EFCAB5: variants seen among roughly 807,000 people sequenced by gnomAD.
EFCAB5 encodes EF-hand calcium binding domain 5, also known as EF-hand calcium-binding domain-containing protein 5.
Under a neutral mutation model 167.9 loss-of-function variants are expected in EFCAB5, and 131 were observed. The ratio of observed to expected loss-of-function variants is 0.78; its 90% CI spans 0.68 to 0.90. EFCAB5 has a LOEUF of 0.90. EFCAB5 is among the 40% of genes least tolerant of loss of function. EFCAB5 has a pLI of 0.00. For missense variants in EFCAB5, 1,663 were observed against 1,745.2 expected, an observed-to-expected ratio of 0.95 and a Z score of 0.84; for synonymous variants, 574 against 602.8, an observed-to-expected ratio of 0.95 and a Z score of 0.70.
intron 1 of EFCAB5, among the ~76,000 whole-genome samples, chr17:29,932,667 A>T (rs2067211899): frequency 6.6e-6 from 1 of 152,026 alleles, no homozygotes; most frequent in Admixed American, 6.6e-5. Context: ...CATGTTGGTC[A>T]GGCTGGTCTC....
intron 14 of EFCAB5, among the ~76,000 whole-genome samples, chr17:30,062,114 T>A: frequency 6.6e-6 from 1 of 152,252 alleles, no homozygotes; most frequent in Non-Finnish European, 1.5e-5. Context: ...AACTCTTTTA[T>A]AATTAAAACA....
At chr17:29,988,058 A>C (rs1191790306) in intron 4 of EFCAB5, among the ~76,000 whole-genome samples, 1 of 152,262 alleles carries the variant, frequency 6.6e-6, no homozygotes, top group Non-Finnish European at 1.5e-5. Flanking sequence ...TAATGGCTTT[A>C]GCTTCTTTCC....
intron 8 of EFCAB5, among the ~76,000 whole-genome samples, chr17:30,038,070 T>G (rs909892050): frequency 2.0e-5 from 3 of 152,194 alleles, no homozygotes; most frequent in Non-Finnish European, 2.9e-5. Flanking sequence ...CTTGCTCCAG[T>G]TAGCCAAGTT....
In EFCAB5 at chr17:30,036,558, T is replaced by C. The variant is rs146821660; in HGVS notation, c.1200+2173T>C. On this transcript the variant is annotated intron_variant, in intron 8 of 22. Coordinates refer to ENST00000394835, the MANE Select transcript of EFCAB5 (RefSeq NM_198529.4). ...AATCCCCCAACCTCAGCCTCCCAAA[T>C]AGCTAAGACTACAGGCATGTACCAC... 4.9e-3 allele frequency among the ~76,000 whole-genome samples: 741 copies of C among 151,536 alleles called. 4 individuals carry two copies. Among genetic ancestry groups the C allele is most frequent in the Middle Eastern group, 0.02 (6 of 294 alleles).
At chr17:30,009,608 A>T (rs1482544808) in intron 7 of EFCAB5, among the ~76,000 whole-genome samples, 1 of 152,166 alleles carries the variant, frequency 6.6e-6, no homozygotes, top group Non-Finnish European at 1.5e-5. Context: ...TTTTATGAAC[A>T]TACTACCTTT....
rs140942140 is a variant in EFCAB5 at position 29,967,769 on chromosome 17, T to G, written c.191-1022T>G. Among the ~76,000 whole-genome samples, 431 of 152,146 alleles carry G rather than the reference T, an allele frequency of 2.8e-3. 2 individuals are homozygous for G. The highest frequency in any genetic ancestry group is 9.8e-3 in the Admixed American group (150 of 15,272). Reference sequence around the variant, plus strand: ...CTCAGTCTACCATCTTGGTCTAATATCTCCGTCCTGCATTTAAAAAATGAA... The same window carrying G: ...CTCAGTCTACCATCTTGGTCTAATAGCTCCGTCCTGCATTTAAAAAATGAA... On this transcript the variant is annotated intron_variant, in intron 3 of 22. Coordinates refer to ENST00000394835, the MANE Select transcript of EFCAB5 (RefSeq NM_198529.4).
At chr17:29,965,091 G>C (rs1343222693) in intron 3 of EFCAB5, among the ~76,000 whole-genome samples, 2 of 151,650 alleles carry the variant, frequency 1.3e-5, no homozygotes, top group Non-Finnish European at 2.9e-5. Context: ...AATTTACAGA[G>C]ATGGGGTTTC....
intron 21 of EFCAB5, 24 bp downstream of exon 21, chr17:30,092,181 C>CT: frequency 6.3e-7 from 1 of 1,588,032 alleles, no homozygotes; most frequent in Non-Finnish European, 8.6e-7. Flanking sequence ...TAAAAAGCAC[C>CT]TTTTAAATTG....
chr17:30,092,057 A>G lies in EFCAB5; in HGVS notation c.4124A>G (p.Asn1375Ser), dbSNP rs772220177. The G allele has an allele frequency of 2.9e-5, 46 of 1,613,892 alleles. No individual in the cohort carries two copies. Among genetic ancestry groups the G allele is most frequent in the Non-Finnish European group, 3.7e-5 (44 of 1,179,884 alleles). Reference sequence around the variant, plus strand: ...AGCAAATCTATGGAGTTGGAAGCCAACGTGAAACTAGTGCGTGACATCCTG... The same window carrying G: ...AGCAAATCTATGGAGTTGGAAGCCAGCGTGAAACTAGTGCGTGACATCCTG... ...QDSKSMELEA[N>S]VKLVRDILKA... is the part of the protein sequence containing the mutation. Residue 1375 changes from asparagine (N) to serine (S), a missense_variant, in exon 21 of 23, where the codon AAC becomes AGC. Coordinates refer to ENST00000394835, the MANE Select transcript of EFCAB5 (RefSeq NM_198529.4).
intron 7 of EFCAB5, among the ~76,000 whole-genome samples, chr17:30,031,529 C>T (rs961762666): frequency 1.3e-5 from 2 of 152,172 alleles, no homozygotes; most frequent in Admixed American, 1.3e-4. Flanking sequence ...GAACTTACTA[C>T]GTGAAACACC....
chr17:29,995,207 G>A (rs2068518553), intron 5 of EFCAB5, among the ~76,000 whole-genome samples: 1 of 152,198 alleles, frequency 6.6e-6, no homozygotes, highest in Non-Finnish European at 1.5e-5. Flanking sequence ...GAATGAGCAA[G>A]AGCATTGTTA....
At chr17:30,023,656 A>G (rs2069240333) in intron 7 of EFCAB5, among the ~76,000 whole-genome samples, 1 of 152,112 alleles carries the variant, frequency 6.6e-6, no homozygotes, top group Non-Finnish European at 1.5e-5. Flanking sequence ...ATAGAAAAAG[A>G]GGGAATCCTC....
intron 4 of EFCAB5, among the ~76,000 whole-genome samples, chr17:29,971,648 T>G (rs975827902): frequency 2.6e-5 from 4 of 152,208 alleles, no homozygotes; most frequent in Non-Finnish European, 5.9e-5. Context: ...TCACCTTAGA[T>G]TCCTTAATGA....
intron 22 of EFCAB5, among the ~76,000 whole-genome samples, chr17:30,096,781 G>T (rs1361597835): frequency 2.1e-5 from 3 of 143,912 alleles, no homozygotes; most frequent in African/African-American, 7.7e-5. Flanking sequence ...CCGGGTTCAA[G>T]AGATTCTCCT....
chr17:30,069,791 C>T lies in EFCAB5; in HGVS notation c.2738-8424C>T, dbSNP rs116018818. 6.4e-3 allele frequency among the ~76,000 whole-genome samples: 982 copies of T among 152,302 alleles called. 8 individuals are homozygous for T. Among genetic ancestry groups the T allele is most frequent in the African/African-American group, 0.023 (936 of 41,564 alleles). Reference sequence around the variant, plus strand: ...TTTAAGAGAAAGGGGTTCAGACAGACGGACATATTCCCCAAAAAGGGATAC... The same window carrying T: ...TTTAAGAGAAAGGGGTTCAGACAGATGGACATATTCCCCAAAAAGGGATAC... On this transcript the variant is annotated intron_variant, in intron 14 of 22. Transcript: ENST00000394835.
chr17:29,985,282 C>T (rs908228651), intron 4 of EFCAB5, among the ~76,000 whole-genome samples: 2 of 152,158 alleles, frequency 1.3e-5, no homozygotes, highest in Admixed American at 1.3e-4. Flanking sequence ...TAGATAAAGG[C>T]AATTAGCTGA....
intron 22 of EFCAB5, among the ~76,000 whole-genome samples, chr17:30,095,112 A>C (rs886542702): frequency 6.6e-6 from 1 of 152,108 alleles, no homozygotes; most frequent in African/African-American, 2.4e-5. Flanking sequence ...GGAATTTTAG[A>C]CAGATGTTGC....
At chr17:30,077,065 G>T (rs998122414) in intron 14 of EFCAB5, among the ~76,000 whole-genome samples, 3 of 152,200 alleles carry the variant, frequency 2.0e-5, no homozygotes, top group Non-Finnish European at 4.4e-5. Context: ...ACTTTGGGAC[G>T]CTGAGGTGGG....
At chr17:30,089,607 A>G (rs1301268304) in intron 19 of EFCAB5, among the ~76,000 whole-genome samples, 5 of 152,154 alleles carry the variant, frequency 3.3e-5, no homozygotes, top group Non-Finnish European at 7.4e-5. Flanking sequence ...TAGATGCTCT[A>G]CCCAGATCCC....
Sources: allele counts gnomAD v4.1 joint callset (sites outside exome capture counted in the v4.1 genomes callset), GRCh38; gene constraint gnomAD v4.1.1; transcripts MANE v1.5; gene names NCBI Gene and HGNC (gene_info 2026-07-23, HGNC 2026-07-21).